Variants in DOCK4 observed in about 807,000 individuals in gnomAD.
DOCK4 encodes dedicator of cytokinesis protein 4.
In DOCK4, 97 loss-of-function variants were observed where a neutral mutation model predicts 268.1. The ratio of observed to expected loss-of-function variants is 0.36; its 90% confidence interval spans 0.31 to 0.43. The LOEUF is 0.43. Among genes scored for constraint, DOCK4 ranks in the 20% least tolerant of loss-of-function variants. DOCK4 has a pLI of 1.00. For missense variants in DOCK4, 2,145 were observed against 2,455.7 expected (o/e 0.87, Z 2.67); for synonymous variants, 954 against 887.2 (o/e 1.08, Z -1.34).
intron 4 of DOCK4, 118 bp from the exon 5 acceptor site, chr7:111,994,349 C>T: frequency 3.5e-6 from 2 of 570,200 alleles, no homozygotes; most frequent in Admixed American, 3.2e-5. Context: ...GTTCTACAGA[C>T]AGTAACCAGG....
At chr7:112,059,603 T>C in intron 1 of DOCK4, among the ~76,000 whole-genome samples, 1 of 152,228 alleles carries the variant, frequency 6.6e-6, no homozygotes. Flanking sequence ...CATGACATGA[T>C]AAAATCAGAG....
chr7:111,944,985 G>T, intron 9 of DOCK4, 114 bp from the exon 10 acceptor site: 1 of 834,730 alleles, frequency 1.2e-6, no homozygotes, highest in Non-Finnish European at 2.0e-6. Context: ...ATTCTTAATG[G>T]AATGTTTGTA....
chr7:111,991,110 G>A (rs1383145582), intron 5 of DOCK4, among the ~76,000 whole-genome samples: 3 of 152,214 alleles, frequency 2.0e-5, no homozygotes, highest in Non-Finnish European at 4.4e-5. Context: ...TGGGAAAGGC[G>A]TTCTGTAGTT....
chr7:111,978,930 A>C (rs1798403405), intron 7 of DOCK4, among the ~76,000 whole-genome samples: 1 of 152,204 alleles, frequency 6.6e-6, no homozygotes, highest in Non-Finnish European at 1.5e-5. Context: ...AAAAATGTGG[A>C]AGATTATCAC....
At chr7:112,015,566 C>G (rs183796719) in intron 1 of DOCK4, among the ~76,000 whole-genome samples, 7 of 152,138 alleles carry the variant, frequency 4.6e-5, no homozygotes, top group Non-Finnish European at 8.8e-5. Context: ...GATCAGGACC[C>G]CTTTCTGGTA....
intron 1 of DOCK4, among the ~76,000 whole-genome samples, chr7:112,182,499 G>A (rs952977671): frequency 7.2e-5 from 11 of 152,170 alleles, no homozygotes; most frequent in African/African-American, 2.7e-4. Flanking sequence ...GAAGAAGAGT[G>A]GGAGAAGGAG....
intron 1 of DOCK4, among the ~76,000 whole-genome samples, chr7:112,167,383 C>A (rs1817695168): frequency 6.6e-6 from 1 of 152,100 alleles, no homozygotes; most frequent in South Asian, 2.1e-4. Flanking sequence ...GCTGAGGTCA[C>A]CAGTGACTCC....
chr7:112,020,554 T>C (rs115626899), intron 1 of DOCK4, among the ~76,000 whole-genome samples: 1 of 152,090 alleles, frequency 6.6e-6, no homozygotes, highest in Non-Finnish European at 1.5e-5. Context: ...AATCATGTGT[T>C]GTAGTCTCCG....
intron 15 of DOCK4, among the ~76,000 whole-genome samples, chr7:111,895,960 T>A (rs1194373273): frequency 6.6e-6 from 1 of 152,204 alleles, no homozygotes; most frequent in Non-Finnish European, 1.5e-5. Context: ...TATCTGAAAT[T>A]GCTTTTTAAA....
chr7:111,808,961 C>A (rs1800872073), intron 29 of DOCK4, 82 bp from the exon 30 acceptor site: 25 of 1,460,938 alleles, frequency 1.7e-5, no homozygotes, highest in Non-Finnish European at 2.3e-5. Context: ...TACAATCTAT[C>A]ATTCTGAATT....
Position 111,749,384 on chromosome 7 carries a change from C to T in DOCK4, c.4417-1941G>A, listed in dbSNP as rs117060291. On this transcript the variant is annotated intron_variant, in intron 42 of 52. Coordinates refer to ENST00000428084, the MANE Select transcript of DOCK4 (RefSeq NM_001363540.2). ...AGGAGAACTTCTGTTCAGTGAATAT[C>T]GAGTTTGAGTTTTCCAAGATGAAAA... Among the ~76,000 whole-genome samples the T allele has an allele frequency of 3.1e-3, 477 of 152,184 alleles. 1 individual carries two copies. Among genetic ancestry groups the T allele is most frequent in the Middle Eastern group, 0.014 (4 of 294 alleles).
intron 1 of DOCK4, among the ~76,000 whole-genome samples, chr7:112,052,684 A>G (rs1044562631): frequency 2.0e-5 from 3 of 151,606 alleles, no homozygotes; most frequent in Admixed American, 6.6e-5. Context: ...CCACTCACCC[A>G]CCCGCAATAA....
chr7:111,844,703 G>A, intron 25 of DOCK4, 60 bp downstream of exon 25: 2 of 1,541,688 alleles, frequency 1.3e-6, no homozygotes, highest in African/African-American at 1.4e-5. Flanking sequence ...CAAGCCACCT[G>A]CAACGTGACT....
chr7:111,779,374 A>T (rs1424862294), intron 35 of DOCK4, among the ~76,000 whole-genome samples: 1 of 152,170 alleles, frequency 6.6e-6, no homozygotes, highest in African/African-American at 2.4e-5. Context: ...CCAAAACTCA[A>T]CTTTTACTTA....
intron 1 of DOCK4, among the ~76,000 whole-genome samples, chr7:112,060,640 A>G (rs1227478517): frequency 3.9e-5 from 6 of 152,172 alleles, no homozygotes; most frequent in Admixed American, 3.9e-4. Context: ...AATCAGGCTT[A>G]AAAAGGAAGG....
chr7:111,825,532 T>G (rs887717956), intron 26 of DOCK4, among the ~76,000 whole-genome samples: 1 of 152,206 alleles, frequency 6.6e-6, no homozygotes, highest in East Asian at 1.9e-4. Flanking sequence ...TTTTATAATT[T>G]GAAAAAGAAC....
intron 16 of DOCK4, among the ~76,000 whole-genome samples, chr7:111,891,273 T>G (rs759361616): frequency 6.6e-6 from 1 of 152,162 alleles, no homozygotes; most frequent in Non-Finnish European, 1.5e-5. Flanking sequence ...GTCATTAATA[T>G]TTAAGGATAT....
chr7:112,004,278 T>C, intron 1 of DOCK4, 147 bp from the exon 2 acceptor site: 1 of 600,718 alleles, frequency 1.7e-6, no homozygotes, highest in East Asian at 3.2e-5. Context: ...TATATCTTTC[T>C]AAGAAAATCA....
At chr7:111,882,244 T>G (rs1807451938) in intron 16 of DOCK4, among the ~76,000 whole-genome samples, 1 of 152,098 alleles carries the variant, frequency 6.6e-6, no homozygotes, top group African/African-American at 2.4e-5. Flanking sequence ...AAAAATTGTA[T>G]AGTGTATTAT....
Sources: gnomAD v4.1 joint callset for allele counts (sites outside exome capture counted in the v4.1 genomes callset) on GRCh38, gnomAD v4.1.1 for gene constraint, MANE v1.5 for transcripts, NCBI Gene and HGNC (gene_info 2026-07-23, HGNC 2026-07-21) for gene names.